The following FRMPD4 variants were observed in gnomAD, a reference collection of about 807,000 sequenced individuals.
FRMPD4 encodes FERM and PDZ domain-containing protein 4.
A neutral mutation model predicts 94.1 loss-of-function variants in FRMPD4; 22 were observed. The ratio of observed to expected loss-of-function variants is 0.23; its 90% CI spans 0.17 to 0.33. The LOEUF is 0.33. FRMPD4 is among the 10% of genes least tolerant of loss of function. FRMPD4 has a pLI of 1.00. For synonymous variants in FRMPD4, 631 were observed against 548.6 expected (o/e 1.15, Z -2.10); for missense variants, 1,111 against 1,339.9 (o/e 0.83, Z 2.67).
intron 4 of FRMPD4, among the ~76,000 whole-genome samples, chrX:12,648,137 C>T (rs959079300): frequency 9.0e-6 from 1 of 111,599 alleles, no homozygotes; most frequent in Non-Finnish European, 1.9e-5. Context: ...TCCCAATATC[C>T]CAACTTTGTA....
At position 12,603,196 on chromosome X, in the gene FRMPD4, T is replaced by G. The variant is rs747948322; in HGVS notation, c.159-6525T>G. 4.7e-4 allele frequency among the ~76,000 whole-genome samples: 53 copies of G among 112,195 alleles called. 1 individual carries two copies. Among genetic ancestry groups the G allele is most frequent in the Non-Finnish European group, 4.3e-4 (23 of 53,200 alleles). On this transcript the variant is annotated intron_variant, in intron 2 of 16. Transcript: ENST00000675598. ...GTAGTTATACCTATCTGTGATCCAG[T>G]CTTAACTACCCAGGTAGCCTACCTG...
intron 1 of FRMPD4, among the ~76,000 whole-genome samples, chrX:12,354,272 A>G (rs1457170797): frequency 8.9e-6 from 1 of 112,113 alleles, no homozygotes; most frequent in Non-Finnish European, 1.9e-5. Flanking sequence ...TCCCATGTGA[A>G]TATCAGTCAT....
intron 1 of FRMPD4, among the ~76,000 whole-genome samples, chrX:12,160,137 C>T (rs924459653): frequency 1.8e-5 from 2 of 109,484 alleles, no homozygotes; most frequent in Non-Finnish European, 3.8e-5. Flanking sequence ...CTATGCAGTT[C>T]TGTTCTGGTG....
chrX:12,196,646 AT>A (rs2056570987), intron 1 of FRMPD4, among the ~76,000 whole-genome samples: 1 of 108,171 alleles, frequency 9.2e-6, no homozygotes, highest in African/African-American at 3.3e-5. Context: ...TATATAAAAA[AT>A]ATATTTATAA....
chrX:12,294,542 A>G (rs1249366497), intron 1 of FRMPD4, among the ~76,000 whole-genome samples: 1 of 109,531 alleles, frequency 9.1e-6, no homozygotes, highest in Non-Finnish European at 1.9e-5. Flanking sequence ...GGTATGTAGC[A>G]GTTAAAGAGA....
chrX:12,179,473 G>C (rs1216454300), intron 1 of FRMPD4, among the ~76,000 whole-genome samples: 1 of 111,857 alleles, frequency 8.9e-6, no homozygotes, highest in African/African-American at 3.2e-5. Flanking sequence ...TAATTTGGAT[G>C]ATAGAGATTT....
intron 1 of FRMPD4, among the ~76,000 whole-genome samples, chrX:12,322,044 A>G (rs2055215295): frequency 9.1e-6 from 1 of 110,246 alleles, no homozygotes; most frequent in Non-Finnish European, 1.9e-5. Flanking sequence ...AGTTGAGAAA[A>G]CTCCCAGTTG....
At chrX:12,210,296 A>C (rs1222576783) in intron 1 of FRMPD4, among the ~76,000 whole-genome samples, 1 of 111,975 alleles carries the variant, frequency 8.9e-6, no homozygotes, top group East Asian at 2.8e-4. Context: ...TAGTCAGTAC[A>C]AAGGGGAAAA....
intron 3 of FRMPD4, among the ~76,000 whole-genome samples, chrX:11,997,668 C>T (rs765725720): frequency 6.3e-5 from 7 of 110,884 alleles, no homozygotes; most frequent in African/African-American, 2.3e-4. Context: ...AGGATATTCT[C>T]TTCTTATGGT....
At chrX:11,843,206 A>G (rs1460958480) in intron 1 of FRMPD4, among the ~76,000 whole-genome samples, 1 of 111,525 alleles carries the variant, frequency 9.0e-6, no homozygotes, top group Non-Finnish European at 1.9e-5. Context: ...GTTTGATTAC[A>G]TTTTGTTAAG....
At chrX:12,600,985 T>G (rs1253799264) in intron 2 of FRMPD4, among the ~76,000 whole-genome samples, 2 of 112,548 alleles carry the variant, frequency 1.8e-5, no homozygotes. Flanking sequence ...TGGCATTAAA[T>G]TTGTAAATTA....
chrX:12,103,273 C>A (rs149732696), intron 3 of FRMPD4, among the ~76,000 whole-genome samples: 199 of 111,932 alleles, frequency 1.8e-3, no homozygotes, highest in African/African-American at 6.2e-3. Context: ...ATAAACACTC[C>A]ATAAAGATGG....
chrX:12,049,456 C>T (rs2054804225), intron 3 of FRMPD4, among the ~76,000 whole-genome samples: 1 of 111,019 alleles, frequency 9.0e-6, no homozygotes, highest in Non-Finnish European at 1.9e-5. Flanking sequence ...TCTTCTCTTC[C>T]TATTTGGATG....
intron 1 of FRMPD4, among the ~76,000 whole-genome samples, chrX:12,168,378 A>C (rs1054571346): frequency 4.3e-4 from 47 of 109,816 alleles, no homozygotes; most frequent in South Asian, 2.3e-3. Flanking sequence ...AAAAAAAAAA[A>C]AAAACAACTC....
intron 3 of FRMPD4, among the ~76,000 whole-genome samples, chrX:11,961,708 A>G (rs1275354156): frequency 6.4e-5 from 7 of 110,235 alleles, no homozygotes; most frequent in Non-Finnish European, 9.5e-5. Flanking sequence ...AGTGTGAGTC[A>G]AACACCAACA....
chrX:12,662,957 G>A (rs1387111598), intron 4 of FRMPD4, among the ~76,000 whole-genome samples: 2 of 112,020 alleles, frequency 1.8e-5, no homozygotes, highest in African/African-American at 6.6e-5. Context: ...GACCAGTGAT[G>A]ATAAACTTTT....
At chrX:12,556,021 G>C (rs1475250025) in intron 2 of FRMPD4, among the ~76,000 whole-genome samples, 1 of 110,882 alleles carries the variant, frequency 9.0e-6, no homozygotes, top group Non-Finnish European at 1.9e-5. Flanking sequence ...GGCTCAAGCA[G>C]TCCTCTTGCC....
At chrX:12,290,523 TCAAATTAA>T (rs1384773541) in intron 1 of FRMPD4, among the ~76,000 whole-genome samples, 2 of 112,416 alleles carry the variant, frequency 1.8e-5, no homozygotes, top group African/African-American at 6.5e-5. Flanking sequence ...CCATTGCTTT[TCAAATTAA>T]CAGAAAAGCC....
intron 1 of FRMPD4, among the ~76,000 whole-genome samples, chrX:12,145,571 G>A (rs1370853870): frequency 8.9e-6 from 1 of 112,902 alleles, no homozygotes; most frequent in East Asian, 2.8e-4. Context: ...CCCATCTGAT[G>A]TGTTTACTTA....
Sources: allele counts gnomAD v4.1 joint callset (sites outside exome capture counted in the v4.1 genomes callset), GRCh38; gene constraint gnomAD v4.1.1; transcripts MANE v1.5; gene names NCBI Gene and HGNC (gene_info 2026-07-23, HGNC 2026-07-21).